ITPR1: variants seen among roughly 807,000 people sequenced by gnomAD.
The protein encoded by ITPR1 is inositol 1,4,5-trisphosphate receptor type 1, also known as inositol 1,4,5-trisphosphate-gated calcium channel ITPR1.
In ITPR1, 96 loss-of-function variants were observed where a neutral mutation model predicts 318.4. That is an observed-to-expected ratio of 0.30 (90% CI 0.26 to 0.36). The LOEUF (loss-of-function observed/expected upper bound fraction) is 0.36, where lower values mean the gene tolerates loss of function less well. Among genes scored for constraint, ITPR1 ranks in the 10% least tolerant of loss-of-function variants. The probability of loss-of-function intolerance (pLI) is 1.00; values close to 1 mark genes in which losing one functional copy is unlikely to be tolerated. For missense variants in ITPR1, 2,440 were observed against 3,460.2 expected, an observed-to-expected ratio of 0.71 and a Z score of 7.40; for synonymous variants, 1,312 against 1,289.9, an observed-to-expected ratio of 1.02 and a Z score of -0.37.
chr3:4,785,033 G>A (rs535215682), intron 51 of ITPR1, among the ~76,000 whole-genome samples: 1 of 152,184 alleles, frequency 6.6e-6, no homozygotes, highest in Admixed American at 6.5e-5. Flanking sequence ...AAGAAGACAA[G>A]CTGAAGCCAC....
At position 4,808,218 on chromosome 3, in the gene ITPR1, C is replaced by G. The variant is rs116625899; in HGVS notation, c.7272+1951C>G. On this transcript the variant is annotated intron_variant, in intron 55 of 61. Coordinates refer to ENST00000649015, the MANE Select transcript of ITPR1 (RefSeq NM_001378452.1). ...CACTCTTCTCTACACACTCTCACTA[C>G]CACCTTTGAGGTAGATGGTATCTTC... 1.0e-3 allele frequency among the ~76,000 whole-genome samples: 158 copies of G among 152,316 alleles called. 2 individuals carry two copies. Among genetic ancestry groups the G allele is most frequent in the African/African-American group, 3.7e-3 (152 of 41,560 alleles).
At chr3:4,627,116 G>A (rs957255240) in intron 4 of ITPR1, among the ~76,000 whole-genome samples, 22 of 151,992 alleles carry the variant, frequency 1.4e-4, no homozygotes, top group African/African-American at 3.4e-4. Flanking sequence ...CCACCGTGCC[G>A]GGCCTGTAAT....
At chr3:4,654,550 T>C (rs903801732) in intron 12 of ITPR1, among the ~76,000 whole-genome samples, 1 of 152,030 alleles carries the variant, frequency 6.6e-6, no homozygotes, top group African/African-American at 2.4e-5. Context: ...ATGGAAAGGG[T>C]GGGTATAAGT....
At chr3:4,636,514 C>T (rs539597665) in intron 5 of ITPR1, among the ~76,000 whole-genome samples, 6 of 152,196 alleles carry the variant, frequency 3.9e-5, no homozygotes, top group East Asian at 1.9e-4. Context: ...TTGCAACCTC[C>T]GCTTCCCGGG....
intron 4 of ITPR1, among the ~76,000 whole-genome samples, chr3:4,579,084 C>T (rs908218028): frequency 2.6e-5 from 4 of 152,188 alleles, no homozygotes; most frequent in African/African-American, 7.2e-5. Context: ...ATTGACTTAA[C>T]GTAGCAGGCT....
At chr3:4,724,744 T>G (rs2042388662) in intron 40 of ITPR1, among the ~76,000 whole-genome samples, 1 of 152,188 alleles carries the variant, frequency 6.6e-6, no homozygotes, top group Non-Finnish European at 1.5e-5. Context: ...GTGTAGCCCC[T>G]GCATGCCCTC....
chr3:4,777,115 C>A, intron 47 of ITPR1, 149 bp from the exon 48 acceptor site: 1 of 513,406 alleles, frequency 1.9e-6, no homozygotes. Flanking sequence ...TTATTCTTAC[C>A]ACTTTCTCAC....
At chr3:4,684,222 A>G in intron 28 of ITPR1, 59 bp from the exon 29 acceptor site, 2 of 1,146,986 alleles carry the variant, frequency 1.7e-6, no homozygotes, top group Non-Finnish European at 2.6e-6. Context: ...CTAACTGTAA[A>G]AAACTGACAG....
chr3:4,631,985 G>C (rs373140586), intron 5 of ITPR1, among the ~76,000 whole-genome samples: 9 of 152,310 alleles, frequency 5.9e-5, no homozygotes, highest in African/African-American at 1.9e-4. Flanking sequence ...TGAATATCCA[G>C]CTGGACATAC....
chr3:4,710,270 C>A lies in ITPR1; in HGVS notation c.4843-55C>A. 1 of 1,458,896 alleles carries A rather than the reference C, an allele frequency of 6.9e-7. No homozygotes were observed. Among genetic ancestry groups the A allele is most frequent in the South Asian group, 1.4e-5 (1 of 69,574 alleles). 90.4% of individuals were successfully genotyped at this position (1,458,896 alleles called of 1,614,324 possible). On this transcript the variant is annotated intron_variant, in intron 37 of 61. Transcript: ENST00000649015. This position sits in a 1 kb window ranked among gnomAD's most constrained non-coding sequence, Gnocchi z 4.2. The stretch of plus-strand genomic sequence containing the variant: ...TAGGGCAGAAATCAATGTCCTCACC[C>A]TCCTGTGGTCAGCGTCTGCCTGAGC...
intron 4 of ITPR1, among the ~76,000 whole-genome samples, chr3:4,590,447 C>T (rs193285377): frequency 5.9e-5 from 9 of 151,346 alleles, no homozygotes; most frequent in Admixed American, 5.9e-4. Flanking sequence ...TGAGTTGGCC[C>T]TGGTTGGACA....
intron 4 of ITPR1, among the ~76,000 whole-genome samples, chr3:4,594,373 G>A (rs2090628091): frequency 6.6e-6 from 1 of 152,054 alleles, no homozygotes; most frequent in African/African-American, 2.4e-5. Context: ...GGTTTATCCT[G>A]GGAGCACTTC....
intron 54 of ITPR1, among the ~76,000 whole-genome samples, chr3:4,804,258 T>C (rs1037230897): frequency 6.6e-6 from 1 of 152,124 alleles, no homozygotes; most frequent in Non-Finnish European, 1.5e-5. Flanking sequence ...GAGAGAATAT[T>C]GGAGTTCTGA....
chr3:4,693,917 G>T (rs1246425137), intron 33 of ITPR1, among the ~76,000 whole-genome samples, 176 bp downstream of exon 33: 1 of 152,178 alleles, frequency 6.6e-6, no homozygotes, highest in African/African-American at 2.4e-5. Flanking sequence ...CATTGATTTT[G>T]CATGAAAGGA....
chr3:4,639,519 T>C, intron 6 of ITPR1, 49 bp downstream of exon 6: 1 of 1,352,446 alleles, frequency 7.4e-7, no homozygotes, highest in Non-Finnish European at 1.0e-6. Context: ...TTACAAAGAA[T>C]GCAGCTGAGG....
At chr3:4,575,009 A>G (rs895998737) in intron 4 of ITPR1, among the ~76,000 whole-genome samples, 2 of 152,230 alleles carry the variant, frequency 1.3e-5, no homozygotes, top group Non-Finnish European at 2.9e-5. Flanking sequence ...TTTGTACTGG[A>G]TGGTGCTTAC....
intron 5 of ITPR1, among the ~76,000 whole-genome samples, chr3:4,628,328 C>T (rs1447246941): frequency 6.6e-6 from 1 of 152,184 alleles, no homozygotes; most frequent in African/African-American, 2.4e-5. Context: ...ATGAATGGTG[C>T]CTGGCACATA....
chr3:4,673,483 G>A (rs1027015854), intron 21 of ITPR1, 96 bp downstream of exon 21: 14 of 1,259,930 alleles, frequency 1.1e-5, no homozygotes, highest in Admixed American at 2.7e-5. Flanking sequence ...AAGATGAAGT[G>A]TTGGTTTTTT....
intron 2 of ITPR1, among the ~76,000 whole-genome samples, chr3:4,512,845 A>AGAT (rs1559364869): frequency 6.6e-6 from 1 of 152,120 alleles, no homozygotes; most frequent in African/African-American, 2.4e-5. Context: ...ATAACAAGCT[A>AGAT]GATGATAATA....
Sources: allele counts gnomAD v4.1 joint callset (sites outside exome capture counted in the v4.1 genomes callset), GRCh38; gene constraint gnomAD v4.1.1; non-coding constraint Gnocchi (gnomAD v3.1); transcripts MANE v1.5; gene names NCBI Gene and HGNC (gene_info 2026-07-23, HGNC 2026-07-21).